Variants in PHACTR1 observed in about 807,000 individuals in gnomAD.
PHACTR1 encodes RPEL repeat containing 1.
In PHACTR1, 16 loss-of-function variants were observed where a neutral mutation model predicts 69.2. That is an observed-to-expected ratio of 0.23 (90% CI 0.16 to 0.35). The LOEUF (loss-of-function observed/expected upper bound fraction) is 0.35. Among genes scored for constraint, PHACTR1 ranks in the 10% least tolerant of loss-of-function variants. The pLI, the probability that PHACTR1 is intolerant of heterozygous loss-of-function variation, is 1.00. For missense variants in PHACTR1, 510 were observed against 734.7 expected (o/e 0.69, Z 3.54); for synonymous variants, 312 against 284.5 (o/e 1.10, Z -0.97).
chr6:13,046,239 A>C (rs1316173988), intron 4 of PHACTR1, among the ~76,000 whole-genome samples: 1 of 152,082 alleles, frequency 6.6e-6, no homozygotes, highest in Non-Finnish European at 1.5e-5. Context: ...CTGTGTGTCC[A>C]AGCAGCTGAG....
At position 12,832,521 on chromosome 6, in the gene PHACTR1, A is replaced by G. The variant is rs181571965; in HGVS notation, c.250+82731A>G. On this transcript the variant is annotated intron_variant, in intron 4 of 14. Coordinates refer to ENST00000332995, the MANE Select transcript of PHACTR1 (RefSeq NM_030948.6). ...AGACAATTCATCTCTTGTCAACAGG[A>G]AGCACTTTGGGGTTTTTTTTCAACC... 5.0e-3 allele frequency among the ~76,000 whole-genome samples: 756 copies of G among 152,228 alleles called. 22 individuals carry two copies. Among genetic ancestry groups the G allele is most frequent in the Admixed American group, 0.046 (707 of 15,284 alleles).
At chr6:13,242,056 G>T (rs1457980238) in intron 10 of PHACTR1, among the ~76,000 whole-genome samples, 2 of 144,774 alleles carry the variant, frequency 1.4e-5, no homozygotes, top group African/African-American at 5.2e-5. Context: ...AAAAAAAAAA[G>T]GAATAAGTAA....
intron 4 of PHACTR1, among the ~76,000 whole-genome samples, chr6:12,811,074 T>C (rs1202558317): frequency 6.6e-6 from 1 of 152,228 alleles, no homozygotes; most frequent in African/African-American, 2.4e-5. Context: ...CAATACAAGA[T>C]TGATTTCTTA....
chr6:13,194,428 A>G (rs1434242698), intron 7 of PHACTR1, among the ~76,000 whole-genome samples: 1 of 148,214 alleles, frequency 6.7e-6, no homozygotes, highest in African/African-American at 2.5e-5. Flanking sequence ...GAAAGAAAGG[A>G]AAAAGAAAAG....
At chr6:12,996,385 A>T (rs1291203110) in intron 4 of PHACTR1, among the ~76,000 whole-genome samples, 10 of 152,200 alleles carry the variant, frequency 6.6e-5, no homozygotes. Flanking sequence ...AGAAGGACAC[A>T]GTTAACAGAT....
At position 13,017,210 on chromosome 6, in the gene PHACTR1, G is replaced by GAAAC. The variant is rs1800317633; in HGVS notation, c.251-36155_251-36154insAAAC. Among the ~76,000 whole-genome samples, 2 of 100,292 alleles carry GAAAC rather than the reference G, an allele frequency of 2.0e-5. 1 individual carries two copies. The highest frequency in any genetic ancestry group is 1.2e-4 in the African/African-American group (2 of 16,674). 65.8% of individuals were successfully genotyped at this position (100,292 alleles called of 152,430 possible). A position where few individuals can be genotyped will look rare whatever the true frequency, so the allele number is the denominator to read the frequency against. On this transcript the variant is annotated intron_variant, in intron 4 of 14. Transcript: ENST00000332995. The stretch of plus-strand genomic sequence containing the variant: ...CAAAAAAAAAAAAAAAAAAAAAAAT[G>GAAAC]CATCAACAACAACCAAGACACTTTC...
chr6:13,171,816 T>G (rs781559866), intron 6 of PHACTR1, among the ~76,000 whole-genome samples: 13 of 152,114 alleles, frequency 8.5e-5, no homozygotes, highest in South Asian at 2.1e-4. Context: ...GCCCAGGCTG[T>G]AATGCAATGG....
chr6:12,749,692 C>G lies in PHACTR1; in HGVS notation c.152C>G (p.Ser51Trp). Residue 51 changes from serine to tryptophan, a missense_variant, in exon 4 of 15, where the codon TCG (serine) becomes TGG (tryptophan). Ser to Trp is a radical substitution (Grantham distance 177). This residue lies in a region of PHACTR1 where 419 missense variants were observed against 530.9 expected (regional missense o/e 0.79). Transcript: ENST00000332995. Reference protein sequence around the residue: ...LLPPTLMAASSEDDIDRRPIR... With the variant: ...LLPPTLMAASWEDDIDRRPIR... ...CCTCCCACATTAATGGCGGCATCCT[C>G]GGAGGATGATATAGACCGGCGGCCC... 5 of 1,612,296 alleles carry G rather than the reference C, an allele frequency of 3.1e-6. No individual in the cohort carries two copies. Among genetic ancestry groups the G allele is most frequent in the Non-Finnish European group, 4.2e-6 (5 of 1,179,606 alleles).
intron 10 of PHACTR1, chr6:13,267,889 C>G (rs754517315): frequency 7.2e-6 from 1 of 138,096 alleles, no homozygotes; most frequent in Non-Finnish European, 1.5e-5. Flanking sequence ...CAGATGTGAG[C>G]GTGCTCACCT....
chr6:13,140,558 T>C (rs1822284950), intron 5 of PHACTR1, among the ~76,000 whole-genome samples: 1 of 152,208 alleles, frequency 6.6e-6, no homozygotes, highest in Non-Finnish European at 1.5e-5. Flanking sequence ...ACTGTATGAT[T>C]CCACTTAATG....
intron 4 of PHACTR1, among the ~76,000 whole-genome samples, chr6:12,924,569 T>C (rs959591444): frequency 7.9e-5 from 12 of 152,110 alleles, no homozygotes; most frequent in Non-Finnish European, 1.5e-4. Flanking sequence ...GGTCAGAAGA[T>C]CGAGACCATC....
At chr6:12,985,981 A>T (rs1334330916) in intron 4 of PHACTR1, among the ~76,000 whole-genome samples, 1 of 151,918 alleles carries the variant, frequency 6.6e-6, no homozygotes. Context: ...GATTACAGGC[A>T]CCTGCCACCA....
At chr6:13,238,585 ATTGAAATCCATT>A (rs1019974576) in intron 10 of PHACTR1, among the ~76,000 whole-genome samples, 1 of 152,222 alleles carries the variant, frequency 6.6e-6, no homozygotes, top group Admixed American at 6.5e-5. Context: ...AAGAGAGAAA[ATTGAAATCCATT>A]TTTTATGCTT....
chr6:12,929,378 T>G (rs1788627990), intron 4 of PHACTR1, among the ~76,000 whole-genome samples: 1 of 152,162 alleles, frequency 6.6e-6, no homozygotes, highest in African/African-American at 2.4e-5. Context: ...GTCCTCTGCT[T>G]TGGAGCACCT....
chr6:13,075,394 A>T (rs769975773), intron 5 of PHACTR1, among the ~76,000 whole-genome samples: 8 of 152,094 alleles, frequency 5.3e-5, no homozygotes, highest in Non-Finnish European at 7.4e-5. Flanking sequence ...AATGATTTTG[A>T]TTTGCCACCA....
At chr6:13,018,961 C>A (rs1178832675) in intron 4 of PHACTR1, among the ~76,000 whole-genome samples, 1 of 152,032 alleles carries the variant, frequency 6.6e-6, no homozygotes, top group East Asian at 1.9e-4. Context: ...TCAGGCTATC[C>A]TCCCACCTGG....
chr6:12,824,436 T>C (rs1581930104), intron 4 of PHACTR1, among the ~76,000 whole-genome samples: 2 of 152,204 alleles, frequency 1.3e-5, no homozygotes, highest in East Asian at 1.9e-4. Flanking sequence ...AAAAATTGTC[T>C]TCCACGAAAC....
intron 4 of PHACTR1, among the ~76,000 whole-genome samples, chr6:12,951,009 G>C (rs1791225075): frequency 6.6e-6 from 1 of 152,198 alleles, no homozygotes; most frequent in African/African-American, 2.4e-5. Flanking sequence ...AAAAGGGCCT[G>C]ATCCTGCAGG....
chr6:12,949,626 G>A (rs1271362057), intron 4 of PHACTR1, among the ~76,000 whole-genome samples: 2 of 152,152 alleles, frequency 1.3e-5, no homozygotes, highest in Non-Finnish European at 2.9e-5. Flanking sequence ...TAGTGCTATA[G>A]TGGTTTATTT....
Sources: allele counts gnomAD v4.1 joint callset (sites outside exome capture counted in the v4.1 genomes callset), GRCh38; gene constraint gnomAD v4.1.1; regional missense constraint gnomAD v4.1.1; transcripts MANE v1.5; gene names NCBI Gene and HGNC (gene_info 2026-07-23, HGNC 2026-07-21).